BMPR1B: variants seen among roughly 807,000 people sequenced by gnomAD.
The protein encoded by BMPR1B is bone morphogenetic protein receptor type 1B.
In BMPR1B, 12 loss-of-function variants were observed where a neutral mutation model predicts 59.1. The observed-to-expected ratio is 0.20, with a 90% CI of 0.13 to 0.33. BMPR1B has a LOEUF of 0.33. Ranked by LOEUF, BMPR1B falls within the 10% of genes least tolerant of loss-of-function variation. The probability of loss-of-function intolerance (pLI) is 1.00; values close to 1 mark genes in which losing one functional copy is unlikely to be tolerated. For missense variants in BMPR1B, 550 were observed against 610.9 expected (o/e 0.90, Z 1.05); for synonymous variants, 237 against 207.3 (o/e 1.14, Z -1.23).
intron 2 of BMPR1B, among the ~76,000 whole-genome samples, chr4:94,941,162 G>C (rs113940034): frequency 1.3e-5 from 2 of 152,160 alleles, no homozygotes; most frequent in African/African-American, 4.8e-5. Context: ...GTGCGCAGTG[G>C]CTCACGCCTG....
chr4:95,149,564 A>G (rs1372289953), intron 11 of BMPR1B, among the ~76,000 whole-genome samples: 1 of 152,210 alleles, frequency 6.6e-6, no homozygotes, highest in African/African-American at 2.4e-5. Flanking sequence ...TACTTGTACT[A>G]TTTTGATTGC....
At chr4:95,067,019 T>C (rs536409023) in intron 3 of BMPR1B, among the ~76,000 whole-genome samples, 2 of 152,236 alleles carry the variant, frequency 1.3e-5, no homozygotes, top group East Asian at 1.9e-4. Flanking sequence ...TATCAAGATA[T>C]CTGATTTAAT....
At chr4:95,092,994 G>C (rs990603195) in intron 3 of BMPR1B, among the ~76,000 whole-genome samples, 29 of 152,102 alleles carry the variant, frequency 1.9e-4, no homozygotes, top group Admixed American at 7.2e-4. Context: ...AGTTCTAGTT[G>C]ACTCTGACAT....
At chr4:94,885,905 G>A (rs1727154432) in intron 2 of BMPR1B, among the ~76,000 whole-genome samples, 1 of 152,020 alleles carries the variant, frequency 6.6e-6, no homozygotes, top group East Asian at 1.9e-4. Context: ...GGATGTACTT[G>A]GAACAAAACT....
intron 3 of BMPR1B, among the ~76,000 whole-genome samples, chr4:95,021,258 C>G (rs942973357): frequency 2.6e-4 from 39 of 152,232 alleles, no homozygotes; most frequent in African/African-American, 8.7e-4. Context: ...GAAGAAAGTA[C>G]AGTACTTACT....
chr4:95,120,841 C>T (rs1401457801), intron 6 of BMPR1B, among the ~76,000 whole-genome samples: 2 of 146,302 alleles, frequency 1.4e-5, no homozygotes, highest in East Asian at 4.5e-4. Flanking sequence ...TGGAGTCTCT[C>T]TCAGTCACCC....
intron 1 of BMPR1B, among the ~76,000 whole-genome samples, chr4:94,818,091 A>G (rs1270703046): frequency 6.6e-6 from 1 of 152,126 alleles, no homozygotes; most frequent in Non-Finnish European, 1.5e-5. Flanking sequence ...AGTATTCTGG[A>G]TTATTTTTTC....
At chr4:94,816,566 C>T (rs1346416247) in intron 1 of BMPR1B, among the ~76,000 whole-genome samples, 3 of 152,092 alleles carry the variant, frequency 2.0e-5, no homozygotes, top group Admixed American at 6.6e-5. Context: ...AGTATTTCTG[C>T]ATTATTGACC....
At chr4:94,985,509 CTGTGTG>C (rs60003954) in intron 2 of BMPR1B, among the ~76,000 whole-genome samples, 4,669 of 138,770 alleles carry the variant, frequency 0.034, 109 homozygotes, top group African/African-American at 0.06. Context: ...AAAATAAGAG[CTGTGTG>C]TGTGTGTGTG....
intron 1 of BMPR1B, among the ~76,000 whole-genome samples, chr4:94,857,076 T>G (rs763717113): frequency 5.3e-4 from 80 of 152,130 alleles, no homozygotes; most frequent in African/African-American, 1.8e-3. Context: ...CAGGAACTCT[T>G]TCAGATTTCA....
chr4:94,912,646 A>G (rs1049761012), intron 2 of BMPR1B, among the ~76,000 whole-genome samples: 10 of 152,294 alleles, frequency 6.6e-5, no homozygotes, highest in African/African-American at 2.2e-4. Context: ...TCAGCTCTAT[A>G]GAAGGTGACC....
chr4:94,937,719 G>GACACACACACACACACAGACAC lies in BMPR1B; in HGVS notation c.-112-58304_-112-58303insGACACACACACACACACACACA, dbSNP rs1560556638. On this transcript the variant is annotated intron_variant, in intron 2 of 12. Transcript: ENST00000515059. ...ATGTATATGTATAAACACACACACA[G>GACACACACACACACACAGACAC]ACACACACACACACACACAGACACA... is the stretch of plus-strand genomic sequence containing the variant. 1.6e-4 allele frequency among the ~76,000 whole-genome samples: 24 copies of GACACACACACACACACAGACAC among 147,706 alleles called. No individual in the cohort carries two copies. The South Asian group carries it at 4.0e-3, about 25-fold the overall frequency.
intron 1 of BMPR1B, among the ~76,000 whole-genome samples, chr4:94,774,894 A>T (rs1457656298): frequency 1.3e-5 from 2 of 152,082 alleles, no homozygotes; most frequent in African/African-American, 4.8e-5. Context: ...TATGGTTCTG[A>T]TCTTTATTTT....
At chr4:94,768,763 A>G (rs1469587169) in intron 1 of BMPR1B, among the ~76,000 whole-genome samples, 7 of 152,120 alleles carry the variant, frequency 4.6e-5, no homozygotes, top group Admixed American at 4.6e-4. Flanking sequence ...ATACATTTCT[A>G]TTTTGTTATG....
intron 3 of BMPR1B, among the ~76,000 whole-genome samples, chr4:95,081,691 G>A (rs149910741): frequency 0.011 from 1,722 of 152,216 alleles, 28 homozygotes; most frequent in African/African-American, 0.037. Context: ...AACCTATATT[G>A]TAACTTTTAA....
chr4:94,966,943 G>A (rs933880397), intron 2 of BMPR1B, among the ~76,000 whole-genome samples: 1 of 152,056 alleles, frequency 6.6e-6, no homozygotes, highest in East Asian at 1.9e-4. Flanking sequence ...GAAGTTCTAT[G>A]AAGAGAGAGA....
At chr4:94,781,775 A>C (rs567020919) in intron 1 of BMPR1B, among the ~76,000 whole-genome samples, 1 of 151,998 alleles carries the variant, frequency 6.6e-6, no homozygotes, top group South Asian at 2.1e-4. Context: ...TGGACATAAG[A>C]CTCATGGTTG....
chr4:95,004,304 C>A (rs571836131), intron 3 of BMPR1B, among the ~76,000 whole-genome samples: 1 of 152,150 alleles, frequency 6.6e-6, no homozygotes, highest in East Asian at 1.9e-4. Flanking sequence ...ATCACTCTGC[C>A]CTTTGTTGAT....
At chr4:94,847,828 G>T (rs1228215297) in intron 1 of BMPR1B, among the ~76,000 whole-genome samples, 4 of 152,030 alleles carry the variant, frequency 2.6e-5, no homozygotes, top group Non-Finnish European at 5.9e-5. Context: ...AAGTAAGGAT[G>T]GGTAAAGGCT....
Sources: gnomAD v4.1 joint callset for allele counts (sites outside exome capture counted in the v4.1 genomes callset) on GRCh38, gnomAD v4.1.1 for gene constraint, MANE v1.5 for transcripts, NCBI Gene and HGNC (gene_info 2026-07-23, HGNC 2026-07-21) for gene names.